SLCO1B1: variants seen among roughly 807,000 people sequenced by gnomAD.
SLCO1B1 encodes the protein OATP-2.
In SLCO1B1, 81 loss-of-function variants were observed where a neutral mutation model predicts 70.1. That is an observed-to-expected ratio of 1.16 (90% confidence interval 0.97 to 1.39). The LOEUF (loss-of-function observed/expected upper bound fraction) is 1.39. Ranked by LOEUF, SLCO1B1 falls within the 40% of genes most tolerant of loss-of-function variation. SLCO1B1 has a pLI of 0.00. For missense variants in SLCO1B1, 895 were observed against 799.6 expected, an observed-to-expected ratio of 1.12 and a Z score of -1.44; for synonymous variants, 283 against 271.5, an observed-to-expected ratio of 1.04 and a Z score of -0.42.
At chr12:21,185,159 T>C (rs529634890) in intron 7 of SLCO1B1, among the ~76,000 whole-genome samples, 1 of 152,184 alleles carries the variant, frequency 6.6e-6, no homozygotes, top group South Asian at 2.1e-4. Context: ...AGCCACACCA[T>C]GATAGTGGAA....
chr12:21,147,630 G>A (rs555528428), intron 2 of SLCO1B1, among the ~76,000 whole-genome samples: 1 of 152,292 alleles, frequency 6.6e-6, no homozygotes, highest in East Asian at 1.9e-4. Flanking sequence ...TCTTTTGGCT[G>A]CATAGTATTC....
intron 2 of SLCO1B1, 130 bp from the exon 3 acceptor site, chr12:21,172,520 T>C (rs1398144970): frequency 9.6e-7 from 1 of 1,038,682 alleles, no homozygotes. Context: ...AAGGGAAAAC[T>C]AAGTATGGTT....
chr12:21,167,428 T>C (rs1001960233), intron 2 of SLCO1B1, among the ~76,000 whole-genome samples: 2 of 152,130 alleles, frequency 1.3e-5, no homozygotes, highest in African/African-American at 4.8e-5. Context: ...AGAGCAATTG[T>C]AAATCAAATG....
chr12:21,233,509 A>G (rs1452510762), intron 14 of SLCO1B1, among the ~76,000 whole-genome samples: 1 of 123,782 alleles, frequency 8.1e-6, no homozygotes, highest in African/African-American at 3.0e-5. Context: ...CTTCCTACTA[A>G]TTAGAGCTAA....
At chr12:21,135,722 G>A (rs147494272) in intron 1 of SLCO1B1, among the ~76,000 whole-genome samples, 2 of 152,216 alleles carry the variant, frequency 1.3e-5, no homozygotes, top group East Asian at 1.9e-4. Context: ...TTGAGCCTAT[G>A]TGTGTCTCTG....
At chr12:21,185,488 C>G (rs145867002) in intron 7 of SLCO1B1, among the ~76,000 whole-genome samples, 9 of 152,110 alleles carry the variant, frequency 5.9e-5, no homozygotes, top group Non-Finnish European at 1.3e-4. Flanking sequence ...AATTCAACAA[C>G]TTTTCCTGAA....
chr12:21,231,064 CAT>C (rs1314565424), intron 14 of SLCO1B1, among the ~76,000 whole-genome samples: 1 of 147,060 alleles, frequency 6.8e-6, no homozygotes, highest in Non-Finnish European at 1.5e-5. Context: ...TGAGTGAAAA[CAT>C]GTGGCATTTG....
chr12:21,165,450 A>C (rs978802894), intron 2 of SLCO1B1, among the ~76,000 whole-genome samples: 8 of 152,138 alleles, frequency 5.3e-5, no homozygotes, highest in Non-Finnish European at 1.2e-4. Flanking sequence ...AACGTCTGAG[A>C]AGATTGTATC....
chr12:21,210,868 T>C (rs996234292), intron 11 of SLCO1B1, among the ~76,000 whole-genome samples: 1 of 152,084 alleles, frequency 6.6e-6, no homozygotes, highest in East Asian at 1.9e-4. Context: ...GTTTGTCTGT[T>C]GTTGGTGTAT....
chr12:21,216,589 G>T (rs927403078), intron 11 of SLCO1B1, among the ~76,000 whole-genome samples: 1 of 151,996 alleles, frequency 6.6e-6, no homozygotes, highest in Admixed American at 6.5e-5. Flanking sequence ...CTTGGATTTT[G>T]TTTATGCCTG....
chr12:21,213,280 C>G (rs891096263), intron 11 of SLCO1B1, among the ~76,000 whole-genome samples: 15 of 152,132 alleles, frequency 9.9e-5, no homozygotes, highest in Non-Finnish European at 1.5e-4. Context: ...AATCTCTCAG[C>G]ATTTGCTTGT....
Position 21,172,640 on chromosome 12 carries a change from TTTTTCTTAGA to T in SLCO1B1, c.85-8_86del. On this transcript the variant is annotated splice_acceptor_variant and splice_polypyrimidine_tract_variant and coding_sequence_variant and intron_variant, in exon 3 of 15. Transcript: ENST00000256958. LOFTEE classifies it high-confidence loss of function. Reference sequence around the variant, plus strand: ...AACCATTTTCCCCCTTTCCTTCTGATTTTTCTTAGATGTTCTTGGCAGCTCTGTCACTCAG... The same window carrying T: ...AACCATTTTCCCCCTTTCCTTCTGATTGTTCTTGGCAGCTCTGTCACTCAG... The T allele has an allele frequency of 6.2e-7, 1 of 1,613,636 alleles. No homozygotes were observed. Among genetic ancestry groups the T allele is most frequent in the Non-Finnish European group, 8.5e-7 (1 of 1,179,802 alleles).
intron 2 of SLCO1B1, among the ~76,000 whole-genome samples, chr12:21,158,956 A>G (rs949003363): frequency 1.3e-5 from 2 of 152,186 alleles, no homozygotes; most frequent in Non-Finnish European, 2.9e-5. Context: ...GAGCAAAGCT[A>G]TATTTTACAA....
Position 21,231,476 on chromosome 12 carries a change from C to T in SLCO1B1, c.1865+6637C>T, listed in dbSNP as rs552065745. On this transcript the variant is annotated intron_variant, in intron 14 of 14. Coordinates refer to ENST00000256958, the MANE Select transcript of SLCO1B1 (RefSeq NM_006446.5). The stretch of plus-strand genomic sequence containing the variant: ...CCTCCTATTTTTCCCAAGGACTCCT[C>T]GTCTGTTAGAAATGAACTTAGTTCC... 7.2e-4 allele frequency among the ~76,000 whole-genome samples: 110 copies of T among 151,966 alleles called. 8 individuals are homozygous for T. In the South Asian group the frequency reaches 0.021, roughly 29 times the overall value.
chr12:21,204,835 C>T (rs12313499), intron 10 of SLCO1B1, among the ~76,000 whole-genome samples: 1,750 of 151,828 alleles, frequency 0.012, 43 homozygotes, highest in South Asian at 0.039. Flanking sequence ...GTGGATGGGG[C>T]AGGCAAAGGG....
At chr12:21,214,124 G>T (rs1941324681) in intron 11 of SLCO1B1, among the ~76,000 whole-genome samples, 1 of 152,206 alleles carries the variant, frequency 6.6e-6, no homozygotes, top group African/African-American at 2.4e-5. Flanking sequence ...TTCCTTTGGA[G>T]GAGGAGAGGT....
At chr12:21,162,072 A>G (rs1224929110) in intron 2 of SLCO1B1, among the ~76,000 whole-genome samples, 1 of 151,650 alleles carries the variant, frequency 6.6e-6, no homozygotes, top group Non-Finnish European at 1.5e-5. Context: ...ATTTCTAGGA[A>G]CAATTTTTTA....
At position 21,149,227 on chromosome 12, in the gene SLCO1B1, C is replaced by T. The variant is rs190152027; in HGVS notation, c.84+7569C>T. On this transcript the variant is annotated intron_variant, in intron 2 of 14. Transcript: ENST00000256958. ...GAGTATCTTTTATTTATTTCTCTTG[C>T]CTGATTGCCCTGGCCAGAACTTCCA... Among the ~76,000 whole-genome samples, 17 of 152,190 alleles carry T rather than the reference C, an allele frequency of 1.1e-4. No homozygotes were observed. The East Asian group carries it at 3.3e-3, about 29-fold the overall frequency.
At chr12:21,214,202 T>C (rs1941325838) in intron 11 of SLCO1B1, among the ~76,000 whole-genome samples, 1 of 152,142 alleles carries the variant, frequency 6.6e-6, no homozygotes, top group Non-Finnish European at 1.5e-5. Flanking sequence ...TTTATGTACT[T>C]TTGGTCTTTG....
Sources: allele counts gnomAD v4.1 joint callset (sites outside exome capture counted in the v4.1 genomes callset), GRCh38; gene constraint gnomAD v4.1.1; transcripts MANE v1.5; gene names NCBI Gene and HGNC (gene_info 2026-07-23, HGNC 2026-07-21).